RELN: variants seen among roughly 807,000 people sequenced by gnomAD.
The protein encoded by RELN is reelin.
RELN carries 108 observed loss-of-function variants against 427.6 expected under a neutral mutation model. The ratio of observed to expected loss-of-function variants is 0.25; its 90% CI spans 0.22 to 0.30. The LOEUF (loss-of-function observed/expected upper bound fraction) is 0.30. Among genes scored for constraint, RELN ranks in the 10% least tolerant of loss-of-function variants. The pLI is 1.00. For missense variants in RELN, 3,715 were observed against 4,302.8 expected (o/e 0.86, Z 3.82); for synonymous variants, 1,524 against 1,513.4 (o/e 1.01, Z -0.16).
chr7:103,964,299 T>C lies in RELN; in HGVS notation c.226+24832A>G, dbSNP rs75662935. ...AGTAAGTCATTCCTTTTGTGATCAA[T>C]ATCAATCTAAATATATAAATGATTA... On this transcript the variant is annotated intron_variant, in intron 1 of 64. Transcript: ENST00000428762. Among the ~76,000 whole-genome samples, 602 of 152,304 alleles carry C rather than the reference T, an allele frequency of 4.0e-3. 8 individuals are homozygous for C. The highest frequency in any genetic ancestry group is 0.027 in the Middle Eastern group (8 of 294).
chr7:103,752,551 G>A (rs982739691), intron 5 of RELN, among the ~76,000 whole-genome samples: 6 of 129,522 alleles, frequency 4.6e-5, no homozygotes, highest in African/African-American at 2.3e-4. Context: ...TAGGACTCCA[G>A]GTGCACAACC....
intron 3 of RELN, among the ~76,000 whole-genome samples, chr7:103,822,129 G>A (rs1270247825): frequency 1.3e-5 from 2 of 151,950 alleles, no homozygotes; most frequent in East Asian, 1.9e-4. Flanking sequence ...CAGAAAATAT[G>A]TGGCTTACAT....
chr7:103,697,974 G>T lies in RELN; in HGVS notation c.1022C>A (p.Ala341Asp). 6.2e-7 allele frequency: 1 copy of T among 1,613,746 alleles called. No individual in the cohort carries two copies. The highest frequency in any genetic ancestry group is 8.5e-7 in the Non-Finnish European group (1 of 1,179,818). Residue 341 changes from alanine to aspartate, a missense_variant, in exon 10 of 65, where the codon GCC (alanine) becomes GAC (aspartate). Physicochemically the swap from Ala to Asp is moderately radical, Grantham distance 126. This residue lies in a region of RELN where 2,208 missense variants were observed against 2,361.7 expected (regional missense o/e 0.93). Coordinates refer to ENST00000428762, the MANE Select transcript of RELN (RefSeq NM_005045.4). Reference protein sequence around the residue: ...ENLRVGEVYEACWALDNILII... With the variant: ...ENLRVGEVYEDCWALDNILII... ...CAAGATGTTATCTAAGGCCCAGCAG[G>T]CTTCATACACTTCACCTACACGAAG...
At chr7:103,967,857 T>C (rs1012073894) in intron 1 of RELN, among the ~76,000 whole-genome samples, 11 of 152,232 alleles carry the variant, frequency 7.2e-5, no homozygotes, top group African/African-American at 1.9e-4. Flanking sequence ...GAACCATCTT[T>C]GATTCCTCTA....
At chr7:103,949,301 A>T (rs564513764) in intron 1 of RELN, among the ~76,000 whole-genome samples, 4 of 152,234 alleles carry the variant, frequency 2.6e-5, no homozygotes, top group Admixed American at 2.0e-4. Flanking sequence ...GTTGCTATGG[A>T]CTAAATGTTT....
intron 60 of RELN, among the ~76,000 whole-genome samples, chr7:103,489,438 CAG>C: frequency 6.6e-6 from 1 of 152,178 alleles, no homozygotes; most frequent in South Asian, 2.1e-4. Flanking sequence ...ATATGAAAGA[CAG>C]AGAATGTGAG....
intron 20 of RELN, among the ~76,000 whole-genome samples, chr7:103,617,333 A>G (rs1309402820): frequency 2.0e-5 from 3 of 152,234 alleles, no homozygotes; most frequent in South Asian, 4.2e-4. Context: ...TGTTTCTTTA[A>G]GGAGGTTTGT....
Position 103,572,176 on chromosome 7 carries a change from C to A in RELN, c.4588+8G>T, listed in dbSNP as rs752967973. The A allele has an allele frequency of 6.6e-7, 1 of 1,504,210 alleles. No homozygotes were observed. The highest frequency in any genetic ancestry group is 2.3e-5 in the East Asian group (1 of 44,304). The allele number at this position is 1,504,210 out of a possible 1,614,324, so 93.2% of individuals were successfully genotyped here. On this transcript the variant is annotated splice_region_variant and intron_variant, in intron 31 of 64. Coordinates refer to ENST00000428762, the MANE Select transcript of RELN (RefSeq NM_005045.4). ...AACTGTAATTTCCATGGAAATACAG[C>A]AGCTTACCTTCATTTCTAGTTCTTG...
chr7:103,738,535 C>A (rs1191643217), intron 6 of RELN, among the ~76,000 whole-genome samples: 1 of 151,986 alleles, frequency 6.6e-6, no homozygotes, highest in East Asian at 1.9e-4. Flanking sequence ...CAGAGAGGTG[C>A]CTCATGCCCT....
At chr7:103,483,375 G>A (rs1828309162) in intron 62 of RELN, among the ~76,000 whole-genome samples, 1 of 152,180 alleles carries the variant, frequency 6.6e-6, no homozygotes, top group South Asian at 2.1e-4. Context: ...AGAAAAACTG[G>A]TTAAAACAAG....
chr7:103,486,157 C>T, intron 61 of RELN, 40 bp downstream of exon 61: 2 of 1,575,266 alleles, frequency 1.3e-6, no homozygotes, highest in Non-Finnish European at 1.7e-6. Flanking sequence ...GGGCTTGTGA[C>T]TAATTCTATG....
At chr7:103,909,563 C>T (rs1483109654) in intron 2 of RELN, among the ~76,000 whole-genome samples, 2 of 141,472 alleles carry the variant, frequency 1.4e-5, no homozygotes, top group African/African-American at 2.7e-5. Context: ...GCTCAGATTG[C>T]GCCACTGCAC....
intron 3 of RELN, among the ~76,000 whole-genome samples, chr7:103,806,513 A>G (rs1020824898): frequency 1.3e-5 from 2 of 151,814 alleles, no homozygotes; most frequent in Non-Finnish European, 2.9e-5. Flanking sequence ...TTAGTAGAGA[A>G]AGGGTTTTTC....
At chr7:103,714,609 G>T (rs1310214312) in intron 8 of RELN, among the ~76,000 whole-genome samples, 1 of 152,166 alleles carries the variant, frequency 6.6e-6, no homozygotes, top group East Asian at 1.9e-4. Context: ...GGCTTGATTT[G>T]CCTCGCCTAT....
intron 20 of RELN, among the ~76,000 whole-genome samples, chr7:103,628,616 G>C (rs925958186): frequency 1.6e-4 from 25 of 152,134 alleles, no homozygotes; most frequent in African/African-American, 6.0e-4. Flanking sequence ...CTGTACAATA[G>C]TGTGTAAAAT....
At chr7:103,657,109 GA>G (rs1833037912) in intron 12 of RELN, among the ~76,000 whole-genome samples, 1 of 151,988 alleles carries the variant, frequency 6.6e-6, no homozygotes, top group South Asian at 2.1e-4. Flanking sequence ...ATATTTACTG[GA>G]TTAGGTAATT....
intron 7 of RELN, among the ~76,000 whole-genome samples, chr7:103,724,175 T>G (rs1284034812): frequency 6.6e-6 from 1 of 152,048 alleles, no homozygotes; most frequent in Admixed American, 6.6e-5. Flanking sequence ...TTTGCTGCTT[T>G]TTTTTTTCGT....
At chr7:103,601,553 G>A (rs1390606006) in intron 24 of RELN, among the ~76,000 whole-genome samples, 2 of 152,116 alleles carry the variant, frequency 1.3e-5, no homozygotes, top group Non-Finnish European at 2.9e-5. Flanking sequence ...TGTAAAGTGG[G>A]ACACCTCCAA....
intron 11 of RELN, among the ~76,000 whole-genome samples, chr7:103,663,981 T>G (rs574520957): frequency 2.6e-5 from 4 of 152,266 alleles, no homozygotes; most frequent in African/African-American, 9.6e-5. Flanking sequence ...TCTGTCCGAT[T>G]CCTTTTCCCT....
Sources: gnomAD v4.1 joint callset for allele counts (sites outside exome capture counted in the v4.1 genomes callset) on GRCh38, gnomAD v4.1.1 for gene constraint, gnomAD v4.1.1 regional missense constraint, MANE v1.5 for transcripts, NCBI Gene and HGNC (gene_info 2026-07-23, HGNC 2026-07-21) for gene names.